Variants in RAB11FIP1 observed in about 807,000 individuals in gnomAD.
RAB11FIP1 encodes rab11 family-interacting protein 1.
Under a neutral mutation model 83.1 loss-of-function variants are expected in RAB11FIP1, and 49 were observed. That is an observed-to-expected ratio of 0.59 (90% CI 0.47 to 0.75). The LOEUF is 0.75. Ranked by LOEUF, RAB11FIP1 falls within the 30% of genes least tolerant of loss-of-function variation. The pLI, the probability that RAB11FIP1 is intolerant of heterozygous loss-of-function variation, is 0.00. For synonymous variants in RAB11FIP1, 670 were observed against 656.0 expected (o/e 1.02, Z -0.33); for missense variants, 1,536 against 1,598.7 (o/e 0.96, Z 0.67).
chr8:37,877,004 A>C, intron 2 of RAB11FIP1, 105 bp downstream of exon 2: 1 of 850,430 alleles, frequency 1.2e-6, no homozygotes, highest in Non-Finnish European at 1.8e-6. Flanking sequence ...TAATTGAGGA[A>C]TTGAATTAAA....
chr8:37,894,968 G>C (rs1224745734), intron 1 of RAB11FIP1, among the ~76,000 whole-genome samples: 1 of 148,640 alleles, frequency 6.7e-6, no homozygotes, highest in Non-Finnish European at 1.5e-5. Flanking sequence ...ATGTTGACCA[G>C]ACTGGTCTCA....
Position 37,873,169 on chromosome 8 carries a change from A to G in RAB11FIP1, c.1633T>C (p.Ser545Pro). 6.3e-7 allele frequency: 1 copy of G among 1,593,740 alleles called. No individual in the cohort carries two copies. The highest frequency in any genetic ancestry group is 8.5e-7 in the Non-Finnish European group (1 of 1,173,738). Residue 545 changes from serine to proline, a missense_variant, in exon 4 of 6, where the codon TCT becomes CCT. Transcript: ENST00000330843. ...CTGGCTGTGGGTTGCGCCTCTGGAGACACTTCCAGTCTGCAAAAAGGACAA... is the reference window on the plus strand; with the variant it reads ...CTGGCTGTGGGTTGCGCCTCTGGAGGCACTTCCAGTCTGCAAAAAGGACAA... ...TRAVKPRLEVSPEAQPTARLP... is the reference protein window; with the variant it reads ...TRAVKPRLEVPPEAQPTARLP...
chr8:37,898,954 C>T (rs1807152287), intron 1 of RAB11FIP1, 117 bp downstream of exon 1: 29 of 1,118,702 alleles, frequency 2.6e-5, no homozygotes, highest in Non-Finnish European at 3.4e-5. Flanking sequence ...GGGCTCCGTC[C>T]CGAAAGGCCT....
intron 1 of RAB11FIP1, among the ~76,000 whole-genome samples, chr8:37,880,527 C>G (rs983545180): frequency 1.3e-5 from 2 of 152,098 alleles, no homozygotes; most frequent in Admixed American, 1.3e-4. Context: ...CTCCTGACCT[C>G]AAGTGATCCA....
intron 1 of RAB11FIP1, among the ~76,000 whole-genome samples, chr8:37,893,824 G>GA (rs1295586477): frequency 1.3e-5 from 2 of 151,618 alleles, no homozygotes; most frequent in Admixed American, 6.6e-5. Context: ...CAAGAAGATG[G>GA]AAAAAAAGCA....
rs1219619605 is a variant in RAB11FIP1 at position 37,863,026 on chromosome 8, T to C, written c.3721A>G (p.Ile1241Val). 14 of 1,613,692 alleles carry C rather than the reference T, an allele frequency of 8.7e-6. No homozygotes were observed. The highest frequency in any genetic ancestry group is 1.1e-5 in the Non-Finnish European group (13 of 1,180,022). The change falls in exon 6 of 6, where the codon ATA becomes GTA. Residue 1241 changes from isoleucine to valine, a missense_variant. Ile to Val is a conservative substitution (Grantham distance 29, BLOSUM62 3). Coordinates refer to ENST00000330843, the MANE Select transcript of RAB11FIP1 (RefSeq NM_001002814.3). ...IQLVLKQKET[I>V]SKKEFQVREL... ...CGGACCTGGAACTCCTTCTTGCTTA[T>C]CGTTTCCTTCTGTTTGAGGACCAGC...
chr8:37,869,758 G>A (rs1806412956), intron 5 of RAB11FIP1, among the ~76,000 whole-genome samples: 1 of 152,156 alleles, frequency 6.6e-6, no homozygotes, highest in Admixed American at 6.6e-5. Context: ...AAGAGAGAAG[G>A]TTGGGGAGAG....
chr8:37,862,772 A>C lies in RAB11FIP1; in HGVS notation c.*123T>G. Reference sequence around the variant, plus strand: ...TTGGTAGAATTCACTCTTGCCGGATAACATGTGAGGGAGATGGTGATTCGG... The same window carrying C: ...TTGGTAGAATTCACTCTTGCCGGATCACATGTGAGGGAGATGGTGATTCGG... On this transcript the variant is annotated 3_prime_UTR_variant, in exon 6 of 6. Coordinates refer to ENST00000330843, the MANE Select transcript of RAB11FIP1 (RefSeq NM_001002814.3). 1.4e-6 allele frequency: 1 copy of C among 702,312 alleles called. No homozygotes were observed. Among genetic ancestry groups the C allele is most frequent in the Non-Finnish European group, 2.5e-6 (1 of 406,252 alleles). The allele number at this position is 702,312 out of a possible 1,614,324, so 43.5% of individuals were successfully genotyped here.
intron 1 of RAB11FIP1, among the ~76,000 whole-genome samples, chr8:37,888,532 G>GC (rs1419540242): frequency 1.3e-5 from 2 of 151,822 alleles, no homozygotes; most frequent in Non-Finnish European, 2.9e-5. Flanking sequence ...AAGCTGGACT[G>GC]CAGTGATGCC....
Position 37,872,361 on chromosome 8 carries a change from T to A in RAB11FIP1, c.2441A>T (p.Gln814Leu), listed in dbSNP as rs1806487884. ...CGCCACTGCCTCTTCCGTGAAGAGC[T>A]GCTCAGAAAATGACACACGCTTCTT... ...KTKKRVSFSE[Q>L]LFTEEAVAGA... The change falls in exon 4 of 6, where the codon CAG becomes CTG. Residue 814 changes from glutamine to leucine, a missense_variant. Gln to Leu is a moderately radical substitution (Grantham distance 113, BLOSUM62 -2). Coordinates refer to ENST00000330843, the MANE Select transcript of RAB11FIP1 (RefSeq NM_001002814.3). 6.2e-7 allele frequency: 1 copy of A among 1,614,212 alleles called. No homozygotes were observed. Among genetic ancestry groups the A allele is most frequent in the Middle Eastern group, 1.6e-4 (1 of 6,062 alleles).
At chr8:37,869,172 G>A (rs1475829653) in intron 5 of RAB11FIP1, among the ~76,000 whole-genome samples, 1 of 149,024 alleles carries the variant, frequency 6.7e-6, no homozygotes, top group African/African-American at 2.5e-5. Flanking sequence ...AGGCTATGAT[G>A]AGCCGTGATC....
At chr8:37,884,910 T>TG (rs1806798126) in intron 1 of RAB11FIP1, among the ~76,000 whole-genome samples, 1 of 152,086 alleles carries the variant, frequency 6.6e-6, no homozygotes, top group African/African-American at 2.4e-5. Flanking sequence ...CTTAAATTCC[T>TG]GGCCACACAG....
chr8:37,897,417 C>T lies in RAB11FIP1; in HGVS notation c.371+1654G>A, dbSNP rs1807111076. Reference sequence around the variant, plus strand: ...CTAGACTATAGGCTTTCGGTGCTAACTGACTGGCCTGTGTATTTAAGATCT... The same window carrying T: ...CTAGACTATAGGCTTTCGGTGCTAATTGACTGGCCTGTGTATTTAAGATCT... On this transcript the variant is annotated intron_variant, in intron 1 of 5. Transcript: ENST00000330843. Among the ~76,000 whole-genome samples, 3 of 150,082 alleles carry T rather than the reference C, an allele frequency of 2.0e-5. No homozygotes were observed. The South Asian group carries it at 6.5e-4, about 32-fold the overall frequency.
Position 37,875,196 on chromosome 8 carries a change from C to T in RAB11FIP1, c.941G>A (p.Arg314His), listed in dbSNP as rs774399623. ...GLRSKNDVLS[R>H]SNVCINGNHV... ...GTTCCCATTGATGCAGACATTAGAGCGGGAAAGGACATCATTCTTAGACCG... is the reference window on the plus strand; with the variant it reads ...GTTCCCATTGATGCAGACATTAGAGTGGGAAAGGACATCATTCTTAGACCG... The change falls in exon 3 of 6, where the codon CGC (arginine) becomes CAC (histidine). Residue 314 changes from arginine to histidine, a missense_variant. Transcript: ENST00000330843. 17 of 1,613,860 alleles carry T rather than the reference C, an allele frequency of 1.1e-5. No homozygotes were observed. The highest frequency in any genetic ancestry group is 2.2e-5 in the South Asian group (2 of 91,062).
rs777698699 is a variant in RAB11FIP1, at chr8:37,871,439, G to T, written c.3363C>A (p.Thr1121=). The T allele has an allele frequency of 7.2e-5, 117 of 1,613,986 alleles. No individual in the cohort carries two copies. The highest frequency in any genetic ancestry group is 9.2e-5 in the Non-Finnish European group (109 of 1,180,008). ...PSSAHSDTHH[T]STAESQKKAT... ...CTTTTTTTTGAGATTCTGCTGTGCT[G>T]GTGTGGTGAGTGTCAGAATGTGCAG... Residue 1121 remains threonine, a synonymous_variant, in exon 4 of 6, where the codon ACC becomes ACA. Coordinates refer to ENST00000330843, the MANE Select transcript of RAB11FIP1 (RefSeq NM_001002814.3).
chr8:37,870,201 C>T (rs1448315771), intron 5 of RAB11FIP1, among the ~76,000 whole-genome samples: 1 of 134,168 alleles, frequency 7.5e-6, no homozygotes, highest in Non-Finnish European at 1.6e-5. Flanking sequence ...TTGCTTGAGA[C>T]AAAAAAAAAA....
At position 37,861,185 on chromosome 8, in the gene RAB11FIP1, T is replaced by C. The variant is rs1297741836; in HGVS notation, c.*1710A>G. On this transcript the variant is annotated 3_prime_UTR_variant, in exon 6 of 6. Transcript: ENST00000330843. The stretch of plus-strand genomic sequence containing the variant: ...TTAGCTAAGAAGGAAGCAAGTGCCC[T>C]AGTTAAAAAAAAAAAAAGTCTATAA... 1 of 150,736 alleles carries C rather than the reference T, an allele frequency of 6.6e-6. No homozygotes were observed. Among genetic ancestry groups the C allele is most frequent in the Non-Finnish European group, 1.5e-5 (1 of 68,686 alleles). 9.3% of individuals were successfully genotyped at this position (150,736 alleles called of 1,614,324 possible). A position where few individuals can be genotyped will look rare whatever the true frequency, so the allele number is the denominator to read the frequency against.
intron 1 of RAB11FIP1, among the ~76,000 whole-genome samples, chr8:37,896,520 A>G (rs190700882): frequency 6.6e-6 from 1 of 152,098 alleles, no homozygotes; most frequent in Admixed American, 6.6e-5. Flanking sequence ...ACTAAGCACC[A>G]TTTTCCTGGA....
intron 1 of RAB11FIP1, among the ~76,000 whole-genome samples, chr8:37,893,276 TG>T (rs1335740058): frequency 6.6e-6 from 1 of 151,740 alleles, no homozygotes; most frequent in Non-Finnish European, 1.5e-5. Flanking sequence ...GATTTCACCA[TG>T]TTGGCCAGGC....
Sources: gnomAD v4.1 joint callset for allele counts (sites outside exome capture counted in the v4.1 genomes callset) on GRCh38, gnomAD v4.1.1 for gene constraint, MANE v1.5 for transcripts, NCBI Gene and HGNC (gene_info 2026-07-23, HGNC 2026-07-21) for gene names.